SLC4A10: variants seen among roughly 807,000 people sequenced by gnomAD.
The protein encoded by SLC4A10 is solute carrier family 4 member 10.
Under a neutral mutation model 137.7 loss-of-function variants are expected in SLC4A10, and 42 were observed. The observed-to-expected ratio is 0.30, with a 90% CI of 0.24 to 0.39. The LOEUF (loss-of-function observed/expected upper bound fraction) is 0.39, where lower values mean the gene tolerates loss of function less well. SLC4A10 is among the 10% of genes least tolerant of loss of function. The pLI, the probability that SLC4A10 is intolerant of heterozygous loss-of-function variation, is 1.00. For missense variants in SLC4A10, 925 were observed against 1,355.0 expected, an observed-to-expected ratio of 0.68 and a Z score of 4.98; for synonymous variants, 474 against 464.1, an observed-to-expected ratio of 1.02 and a Z score of -0.27.
intron 11 of SLC4A10, among the ~76,000 whole-genome samples, chr2:161,899,650 T>C (rs759966285): frequency 1.3e-5 from 2 of 152,136 alleles, no homozygotes; most frequent in Admixed American, 6.6e-5. Context: ...GTCAGTAGTA[T>C]TTTCCCAGAA....
At chr2:161,852,993 C>T (rs1288959334) in intron 4 of SLC4A10, among the ~76,000 whole-genome samples, 1 of 152,106 alleles carries the variant, frequency 6.6e-6, no homozygotes, top group African/African-American at 2.4e-5. Context: ...TAATACTATT[C>T]CATTAAAATG....
At chr2:161,798,854 A>G (rs1237594446) in intron 2 of SLC4A10, among the ~76,000 whole-genome samples, 1 of 149,400 alleles carries the variant, frequency 6.7e-6, no homozygotes, top group East Asian at 2.0e-4. Context: ...CAGAGATTCT[A>G]TAGGAAAAAG....
chr2:161,688,123 A>G (rs1196961174), intron 1 of SLC4A10, among the ~76,000 whole-genome samples: 1 of 152,248 alleles, frequency 6.6e-6, no homozygotes, highest in African/African-American at 2.4e-5. Context: ...CTTAAATTAT[A>G]GTAAAAGAAT....
chr2:161,841,358 G>A (rs552277592), intron 4 of SLC4A10, among the ~76,000 whole-genome samples: 1 of 152,260 alleles, frequency 6.6e-6, no homozygotes, highest in East Asian at 1.9e-4. Flanking sequence ...GATTGCAGGT[G>A]TGAACCACCA....
chr2:161,839,951 A>G (rs750097548), intron 4 of SLC4A10, 24 bp downstream of exon 4: 3 of 1,610,970 alleles, frequency 1.9e-6, no homozygotes, highest in Admixed American at 3.4e-5. Flanking sequence ...TTAAAGGGTG[A>G]AGGTATACTA....
chr2:161,889,826 C>T (rs536695642), intron 10 of SLC4A10, among the ~76,000 whole-genome samples: 30 of 152,170 alleles, frequency 2.0e-4, no homozygotes, highest in African/African-American at 5.3e-4. Context: ...TTCTCTTCTG[C>T]TAGCTTTTGA....
intron 2 of SLC4A10, among the ~76,000 whole-genome samples, chr2:161,802,993 T>C (rs1024534139): frequency 2.6e-5 from 4 of 152,124 alleles, no homozygotes; most frequent in Non-Finnish European, 5.9e-5. Flanking sequence ...ATCCACAGTA[T>C]TGCCATTATA....
At chr2:161,794,999 G>A (rs1344703727) in intron 2 of SLC4A10, among the ~76,000 whole-genome samples, 2 of 151,996 alleles carry the variant, frequency 1.3e-5, no homozygotes, top group South Asian at 4.1e-4. Flanking sequence ...AACAGTTTCT[G>A]TATGTCAATA....
chr2:161,723,564 T>A (rs1032095242), intron 1 of SLC4A10, among the ~76,000 whole-genome samples: 1 of 152,212 alleles, frequency 6.6e-6, no homozygotes, highest in Non-Finnish European at 1.5e-5. Context: ...TATCATAATC[T>A]TTCTGATAAT....
intron 1 of SLC4A10, among the ~76,000 whole-genome samples, chr2:161,641,098 T>G (rs919115734): frequency 6.6e-6 from 1 of 151,198 alleles, no homozygotes; most frequent in Non-Finnish European, 1.5e-5. Context: ...AAAAACGACA[T>G]TTTTTTTTAA....
At chr2:161,709,568 T>C (rs2044062950) in intron 1 of SLC4A10, among the ~76,000 whole-genome samples, 1 of 151,626 alleles carries the variant, frequency 6.6e-6, no homozygotes, top group Admixed American at 6.6e-5. Flanking sequence ...CATTTAAGCT[T>C]GTTGAAGATT....
chr2:161,859,276 T>TTTTTC (rs139631187), intron 5 of SLC4A10, among the ~76,000 whole-genome samples: 9,213 of 144,480 alleles, frequency 0.064, 390 homozygotes, highest in Non-Finnish European at 0.099. Flanking sequence ...GTGCTACTAG[T>TTTTTC]TTTTCTTTTC....
chr2:161,942,695 T>C lies in SLC4A10; in HGVS notation c.1998-97T>C, dbSNP rs147968575. On this transcript the variant is annotated intron_variant, in intron 15 of 26. Coordinates refer to ENST00000446997, the MANE Select transcript of SLC4A10 (RefSeq NM_001178015.2). ...ACTACTTGTCTGTCAAATAGAGGAA[T>C]GCTGTGACTGGAGAAAATGGAGCCG... 3.5e-6 allele frequency: 3 copies of C among 858,820 alleles called. No individual in the cohort carries two copies. The Admixed American group carries it at 6.3e-5, about 18-fold the overall frequency. 53.2% of individuals were successfully genotyped at this position (858,820 alleles called of 1,614,324 possible). A position where few individuals can be genotyped will look rare whatever the true frequency, so the allele number is the denominator to read the frequency against.
At chr2:161,785,859 T>G (rs2125502311) in intron 2 of SLC4A10, among the ~76,000 whole-genome samples, 1 of 151,884 alleles carries the variant, frequency 6.6e-6, no homozygotes, top group Middle Eastern at 3.4e-3. Flanking sequence ...GCAAGAAAAT[T>G]TTTCATGTGC....
chr2:161,835,383 A>G (rs62187712), intron 3 of SLC4A10, among the ~76,000 whole-genome samples: 10,196 of 152,034 alleles, frequency 0.067, 448 homozygotes, highest in East Asian at 0.17. Flanking sequence ...TTCCCTCCCT[A>G]TCCAAAATAT....
At chr2:161,782,178 A>G (rs1182941554) in intron 2 of SLC4A10, among the ~76,000 whole-genome samples, 1 of 152,074 alleles carries the variant, frequency 6.6e-6, no homozygotes, top group Non-Finnish European at 1.5e-5. Context: ...GAGTTGGTAC[A>G]TACATTAAAC....
rs2060524284 is a variant in SLC4A10, at chr2:161,863,069, G to A, written c.766+7G>A. 1.9e-6 allele frequency: 3 copies of A among 1,612,910 alleles called. No homozygotes were observed. Among genetic ancestry groups the A allele is most frequent in the Middle Eastern group, 1.6e-4 (1 of 6,078 alleles). The stretch of plus-strand genomic sequence containing the variant: ...AATTCCATGGACAAAAATGGTAAAT[G>A]TTTATTTATTGTGCTCTTTATGTCT... On this transcript the variant is annotated splice_region_variant and intron_variant, in intron 6 of 26. Coordinates refer to ENST00000446997, the MANE Select transcript of SLC4A10 (RefSeq NM_001178015.2).
In SLC4A10 at chr2:161,804,140, C is replaced by T. The variant is rs185620631; in HGVS notation, c.131-309C>T. ...GTCTGAAGGTAGAGAGAATAAAAAA[C>T]AATTTTTTTTCTAATGAGAAGAGTA... On this transcript the variant is annotated intron_variant, in intron 2 of 26. Coordinates refer to ENST00000446997, the MANE Select transcript of SLC4A10 (RefSeq NM_001178015.2). Among the ~76,000 whole-genome samples, 561 of 151,462 alleles carry T rather than the reference C, an allele frequency of 3.7e-3. 4 individuals are homozygous for T. Among genetic ancestry groups the T allele is most frequent in the African/African-American group, 0.013 (537 of 40,902 alleles).
At chr2:161,743,862 G>A (rs1179967363) in intron 1 of SLC4A10, among the ~76,000 whole-genome samples, 1 of 151,930 alleles carries the variant, frequency 6.6e-6, no homozygotes, top group African/African-American at 2.4e-5. Context: ...CCTCTTTGAT[G>A]AAGTTTATTC....
Sources: allele counts gnomAD v4.1 joint callset (sites outside exome capture counted in the v4.1 genomes callset), GRCh38; gene constraint gnomAD v4.1.1; transcripts MANE v1.5; gene names NCBI Gene and HGNC (gene_info 2026-07-23, HGNC 2026-07-21).